The following KCNAB2 variants were observed in gnomAD, a reference collection of about 807,000 sequenced individuals.
KCNAB2 encodes the protein voltage-gated potassium channel subunit beta-2.
In KCNAB2, 29 loss-of-function variants were observed where a neutral mutation model predicts 63.6. The ratio of observed to expected loss-of-function variants is 0.46; its 90% CI spans 0.34 to 0.62. The LOEUF is 0.62. KCNAB2 is among the 20% of genes least tolerant of loss of function. KCNAB2 has a pLI of 0.01. For missense variants in KCNAB2, 359 were observed against 563.9 expected (o/e 0.64, Z 3.68); for synonymous variants, 222 against 224.2 (o/e 0.99, Z 0.09).
intron 1 of KCNAB2, among the ~76,000 whole-genome samples, chr1:5,999,907 G>T (rs1233446252): frequency 2.8e-5 from 4 of 142,358 alleles, no homozygotes; most frequent in Non-Finnish European, 4.6e-5. Flanking sequence ...TGTCGTCTGT[G>T]CCCTGTCTGT....
In KCNAB2 at chr1:6,099,588, G is replaced by T; in HGVS notation, c.*1014G>T. The T allele has an allele frequency of 1.7e-6, 1 of 589,400 alleles. No individual in the cohort carries two copies. 36.5% of individuals were successfully genotyped at this position (589,400 alleles called of 1,614,324 possible). On this transcript the variant is annotated 3_prime_UTR_variant, in exon 16 of 16. Transcript: ENST00000378083. ...GCCCCTGTAGACTTTCTCTAAAGCC[G>T]CCCGCCAGCCCAGGCCGCTGCTCTG...
chr1:6,079,582 T>C (rs1272107577), intron 4 of KCNAB2, among the ~76,000 whole-genome samples: 2 of 151,982 alleles, frequency 1.3e-5, no homozygotes, highest in Non-Finnish European at 2.9e-5. Context: ...TGGATGAACC[T>C]TGAACCTTGA....
chr1:6,017,404 G>A (rs1383669215), intron 1 of KCNAB2, among the ~76,000 whole-genome samples: 1 of 103,790 alleles, frequency 9.6e-6, no homozygotes, highest in African/African-American at 3.3e-5. Flanking sequence ...CACCATACCT[G>A]GCTGTGTGTG....
In KCNAB2 at chr1:6,082,295, G is replaced by GA. The variant is rs752510752; in HGVS notation, c.380+26dup. 3.6e-5 allele frequency: 57 copies of GA among 1,597,844 alleles called. No individual in the cohort carries two copies. In the East Asian group the frequency reaches 1.2e-3, roughly 34 times the overall value. On this transcript the variant is annotated intron_variant, in intron 5 of 15. Coordinates refer to ENST00000378083, the MANE Select transcript of KCNAB2 (RefSeq NM_001199862.2). ...GGCAAGTACGTGTCTTTTCACACGG[G>GA]AAAAAGTGGTTCAGAATGCCTGGGC...
intron 4 of KCNAB2, among the ~76,000 whole-genome samples, chr1:6,081,022 T>C (rs536568563): frequency 6.6e-6 from 1 of 152,220 alleles, no homozygotes; most frequent in Non-Finnish European, 1.5e-5. Context: ...AGCCAGAAGC[T>C]CAGGGGCACC....
intron 15 of KCNAB2, chr1:6,097,784 A>T (rs1217512817): frequency 2.5e-6 from 1 of 392,676 alleles, no homozygotes; most frequent in Non-Finnish European, 4.5e-6. Flanking sequence ...CAAAGGCCCA[A>T]AAAGGCCTGG....
chr1:6,037,892 T>A (rs1477107481), intron 1 of KCNAB2, among the ~76,000 whole-genome samples: 1 of 146,938 alleles, frequency 6.8e-6, no homozygotes, highest in South Asian at 2.2e-4. Context: ...TTTTTTTTTT[T>A]GAGGCGGGGT....
intron 1 of KCNAB2, among the ~76,000 whole-genome samples, chr1:5,999,614 G>A (rs1288737555): frequency 1.3e-5 from 2 of 152,194 alleles, no homozygotes; most frequent in African/African-American, 4.8e-5. Flanking sequence ...ATCCTCCCGT[G>A]TGTGGCAGGG....
At chr1:6,027,333 G>C (rs550056966) in intron 1 of KCNAB2, 1 of 152,808 alleles carries the variant, frequency 6.5e-6, no homozygotes, top group Non-Finnish European at 1.5e-5. Flanking sequence ...CTGAACTGTC[G>C]AGGGCTCCTG....
Position 6,099,991 on chromosome 1 carries a change from G to A in KCNAB2, c.*1417G>A, listed in dbSNP as rs1665924833. The A allele has an allele frequency of 1.3e-6, 2 of 1,545,568 alleles. No individual in the cohort carries two copies. Among genetic ancestry groups the A allele is most frequent in the Non-Finnish European group, 1.7e-6 (2 of 1,144,496 alleles). The stretch of plus-strand genomic sequence containing the variant: ...AGACCACGCGGGGCAGGGCTCCACT[G>A]AAGCCACCCCCACCCCTCGCCAGCT... On this transcript the variant is annotated 3_prime_UTR_variant, in exon 16 of 16. Coordinates refer to ENST00000378083, the MANE Select transcript of KCNAB2 (RefSeq NM_001199862.2).
At position 6,100,032 on chromosome 1, in the gene KCNAB2, C is replaced by T; in HGVS notation, c.*1458C>T. 6.6e-7 allele frequency: 1 copy of T among 1,519,272 alleles called. No homozygotes were observed. The highest frequency in any genetic ancestry group is 8.8e-7 in the Non-Finnish European group (1 of 1,131,248). 94.1% of individuals were successfully genotyped at this position (1,519,272 alleles called of 1,614,324 possible). On this transcript the variant is annotated 3_prime_UTR_variant, in exon 16 of 16. Transcript: ENST00000378083. ...CTCGCCAGCTAGCTCCATAGGGAAGCCTGTGTCTCCTGCCCCCAGGGCGCA... is the reference window on the plus strand; with the variant it reads ...CTCGCCAGCTAGCTCCATAGGGAAGTCTGTGTCTCCTGCCCCCAGGGCGCA...
At chr1:6,058,366 G>A (rs563301883) in intron 2 of KCNAB2, among the ~76,000 whole-genome samples, 2 of 152,276 alleles carry the variant, frequency 1.3e-5, no homozygotes, top group Admixed American at 6.5e-5. Context: ...GAGCCTGCGG[G>A]GACATCCCTG....
intron 2 of KCNAB2, among the ~76,000 whole-genome samples, chr1:6,064,694 G>A (rs551645497): frequency 1.8e-4 from 27 of 152,284 alleles, no homozygotes; most frequent in Admixed American, 7.2e-4. Context: ...CCTCAAGGAG[G>A]GGTGGGCTGT....
At position 6,072,841 on chromosome 1, in the gene KCNAB2, G is replaced by A. The variant is rs751829562; in HGVS notation, c.262+43G>A. ...CTCCGTCCCACCAGGGAAACAGGCT[G>A]TGGGGAGGCCGGGCATGGACTGAAC... On this transcript the variant is annotated intron_variant, in intron 3 of 15. Transcript: ENST00000378083. 7 of 1,602,202 alleles carry A rather than the reference G, an allele frequency of 4.4e-6. No individual in the cohort carries two copies. The South Asian group carries it at 4.4e-5, about 10-fold the overall frequency.
intron 2 of KCNAB2, among the ~76,000 whole-genome samples, chr1:6,067,098 G>C (rs888987602): frequency 3.3e-5 from 5 of 152,204 alleles, no homozygotes; most frequent in African/African-American, 1.2e-4. Context: ...GGGTTCTGGG[G>C]CACCCTTCTG....
intron 4 of KCNAB2, among the ~76,000 whole-genome samples, chr1:6,081,201 C>G (rs6701690): frequency 0.12 from 17,700 of 152,272 alleles, 1,275 homozygotes; most frequent in African/African-American, 0.19. Context: ...GTCATTCATC[C>G]ATCTTGCCCA....
rs59096294 is a variant in KCNAB2, at chr1:6,000,656, G to GAA, written c.-53+7881_-53+7882dup. Among the ~76,000 whole-genome samples the GAA allele has an allele frequency of 6.9e-3, 972 of 141,730 alleles. 14 individuals carry two copies. The highest frequency in any genetic ancestry group is 0.018 in the African/African-American group (674 of 38,156). 93.0% of individuals were successfully genotyped at this position (141,730 alleles called of 152,430 possible). ...CCCTGAATGGGGGCTTCCCAGAAAA[G>GAA]AAAAAAAAAAAAAAGAAAACAGTGA... On this transcript the variant is annotated intron_variant, in intron 1 of 16. Coordinates refer to the KCNAB2 transcript ENST00000341524.
chr1:6,005,547 C>T (rs1175633525), intron 1 of KCNAB2, among the ~76,000 whole-genome samples: 1 of 150,538 alleles, frequency 6.6e-6, no homozygotes, highest in Admixed American at 6.6e-5. Flanking sequence ...TGAGGGTCCC[C>T]CCTACCCCCC....
At position 6,028,823 on chromosome 1, in the gene KCNAB2, G is replaced by A. The variant is rs780031673; in HGVS notation, c.-52-11694G>A. Reference sequence around the variant, plus strand: ...GGCCTTTTGAAAGCTGTGAGTCCAAGTTGCCTGGCAAATAGATAAGGAATA... The same window carrying A: ...GGCCTTTTGAAAGCTGTGAGTCCAAATTGCCTGGCAAATAGATAAGGAATA... On this transcript the variant is annotated intron_variant, in intron 1 of 16. Coordinates refer to the KCNAB2 transcript ENST00000341524. The surrounding 1 kb of genome is among the most constrained non-coding windows in gnomAD (Gnocchi z 4.0). Among the ~76,000 whole-genome samples the A allele has an allele frequency of 6.6e-6, 1 of 152,216 alleles. No homozygotes were observed. The highest frequency in any genetic ancestry group is 1.9e-4 in the East Asian group (1 of 5,200).
Sources: allele counts gnomAD v4.1 joint callset (sites outside exome capture counted in the v4.1 genomes callset), GRCh38; gene constraint gnomAD v4.1.1; non-coding constraint Gnocchi (gnomAD v3.1); transcripts MANE v1.5; gene names NCBI Gene and HGNC (gene_info 2026-07-23, HGNC 2026-07-21).